The following COP1 variants were observed in gnomAD, a reference collection of about 807,000 sequenced individuals.
The protein encoded by COP1 is E3 ubiquitin-protein ligase COP1.
Under a neutral mutation model 101.3 loss-of-function variants are expected in COP1, and 24 were observed. That is an observed-to-expected ratio of 0.24 (90% CI 0.17 to 0.33). The LOEUF is 0.33. Ranked by LOEUF, COP1 falls within the 10% of genes least tolerant of loss-of-function variation. COP1 has a pLI of 1.00. For missense variants in COP1, 663 were observed against 906.2 expected (o/e 0.73, Z 3.45); for synonymous variants, 347 against 341.9 (o/e 1.01, Z -0.17).
At position 176,106,798 on chromosome 1, in the gene COP1, G is replaced by A. The variant is rs59459309; in HGVS notation, c.1026+9826C>T. 6.2e-3 allele frequency among the ~76,000 whole-genome samples: 948 copies of A among 152,198 alleles called. 15 individuals are homozygous for A. The highest frequency in any genetic ancestry group is 0.021 in the African/African-American group (892 of 41,538). ...GCGGCTCTGCATGAATTACTTTATC[G>A]CAATTCCTCTGTCTTGATAAATTGA... On this transcript the variant is annotated intron_variant, in intron 9 of 19. Transcript: ENST00000367669.
intron 18 of COP1, among the ~76,000 whole-genome samples, chr1:175,971,849 T>G (rs545479195): frequency 2.6e-4 from 39 of 152,294 alleles, no homozygotes; most frequent in Admixed American, 2.6e-4. Context: ...ATCTAATGTC[T>G]CCCTTGGATT....
At chr1:176,131,864 T>C (rs1270262701) in intron 8 of COP1, among the ~76,000 whole-genome samples, 1 of 151,840 alleles carries the variant, frequency 6.6e-6, no homozygotes, top group Non-Finnish European at 1.5e-5. Context: ...AGAGAAAATA[T>C]CAAAACACTC....
intron 1 of COP1, among the ~76,000 whole-genome samples, chr1:176,187,704 A>G (rs999694216): frequency 6.6e-6 from 1 of 152,196 alleles, no homozygotes; most frequent in South Asian, 2.1e-4. Context: ...TGACATTTAT[A>G]TCATAGAATC....
At chr1:176,196,235 A>C (rs1054379764) in intron 1 of COP1, among the ~76,000 whole-genome samples, 1 of 152,210 alleles carries the variant, frequency 6.6e-6, no homozygotes, top group African/African-American at 2.4e-5. Context: ...ACTCCAAGTT[A>C]GCAGAAGAAA....
chr1:176,055,251 C>T (rs543029333), intron 11 of COP1, among the ~76,000 whole-genome samples: 6 of 152,264 alleles, frequency 3.9e-5, no homozygotes, highest in South Asian at 4.1e-4. Context: ...CTGGCCAACA[C>T]GATGAAATCC....
At chr1:176,077,211 T>C (rs1678210008) in intron 11 of COP1, among the ~76,000 whole-genome samples, 1 of 151,992 alleles carries the variant, frequency 6.6e-6, no homozygotes, top group Non-Finnish European at 1.5e-5. Flanking sequence ...TAAACACAGA[T>C]ACAAAAATCC....
intron 18 of COP1, among the ~76,000 whole-genome samples, chr1:175,986,403 A>G (rs183675879): frequency 7.2e-4 from 110 of 152,312 alleles, no homozygotes; most frequent in African/African-American, 2.6e-3. Flanking sequence ...CACTTTATAA[A>G]ACCCAGTAGC....
intron 15 of COP1, among the ~76,000 whole-genome samples, chr1:176,019,627 T>C (rs918361320): frequency 2.7e-5 from 4 of 150,940 alleles, no homozygotes; most frequent in African/African-American, 4.9e-5. Context: ...ATGGGAAGCA[T>C]AGGCAGGCAG....
chr1:176,138,733 T>C (rs943480907), intron 6 of COP1, among the ~76,000 whole-genome samples: 2 of 152,144 alleles, frequency 1.3e-5, no homozygotes, highest in East Asian at 1.9e-4. Flanking sequence ...CCACTCTGTC[T>C]AGCTCATACC....
At chr1:176,034,172 C>T (rs1254697192) in intron 14 of COP1, among the ~76,000 whole-genome samples, 3 of 152,138 alleles carry the variant, frequency 2.0e-5, no homozygotes, top group African/African-American at 4.8e-5. Context: ...AAATGAAATT[C>T]GGGATGAAGA....
chr1:176,065,812 A>G (rs1246262213), intron 11 of COP1, among the ~76,000 whole-genome samples: 1 of 151,442 alleles, frequency 6.6e-6, no homozygotes, highest in Admixed American at 6.6e-5. Flanking sequence ...GGTTCAAGCA[A>G]TTCTCCTGCC....
At chr1:176,092,003 C>T (rs894568308) in intron 9 of COP1, among the ~76,000 whole-genome samples, 4 of 151,844 alleles carry the variant, frequency 2.6e-5, no homozygotes, top group Admixed American at 6.6e-5. Context: ...ATGAAAACAG[C>T]CACTGTATAT....
intron 18 of COP1, among the ~76,000 whole-genome samples, chr1:175,955,298 C>A (rs1004164956): frequency 1.3e-5 from 2 of 152,096 alleles, no homozygotes; most frequent in Non-Finnish European, 2.9e-5. Context: ...CACTTGAGAG[C>A]ATTCATCATC....
At chr1:176,196,810 C>T (rs1699743087) in intron 1 of COP1, among the ~76,000 whole-genome samples, 1 of 151,016 alleles carries the variant, frequency 6.6e-6, no homozygotes, top group Non-Finnish European at 1.5e-5. Context: ...GAGGTCAAAG[C>T]ACGGGAAGAT....
At chr1:176,019,568 A>T (rs1666343948) in intron 15 of COP1, among the ~76,000 whole-genome samples, 1 of 151,042 alleles carries the variant, frequency 6.6e-6, no homozygotes, top group Non-Finnish European at 1.5e-5. Flanking sequence ...AAATCAAAAC[A>T]TCACTAACAG....
intron 9 of COP1, among the ~76,000 whole-genome samples, chr1:176,107,054 C>A (rs1684447245): frequency 6.6e-6 from 1 of 152,178 alleles, no homozygotes; most frequent in Non-Finnish European, 1.5e-5. Flanking sequence ...AAATACACTA[C>A]TGCTGCTGGG....
intron 18 of COP1, among the ~76,000 whole-genome samples, chr1:175,955,651 G>A (rs890033079): frequency 2.0e-5 from 3 of 151,986 alleles, no homozygotes; most frequent in Non-Finnish European, 4.4e-5. Context: ...CAGACACAAA[G>A]TCAATTATAC....
chr1:176,042,817 T>C (rs1461140822), intron 14 of COP1, among the ~76,000 whole-genome samples: 1 of 147,994 alleles, frequency 6.8e-6, no homozygotes, highest in Admixed American at 6.8e-5. Context: ...TCACTTGAGG[T>C]CAGGAGTTTG....
intron 19 of COP1, among the ~76,000 whole-genome samples, chr1:175,946,608 G>C (rs1156609391): frequency 6.6e-6 from 1 of 152,182 alleles, no homozygotes; most frequent in Non-Finnish European, 1.5e-5. Flanking sequence ...TCATGTACAA[G>C]TGCTATATAT....
Sources: allele counts gnomAD v4.1 joint callset (sites outside exome capture counted in the v4.1 genomes callset), GRCh38; gene constraint gnomAD v4.1.1; transcripts MANE v1.5; gene names NCBI Gene and HGNC (gene_info 2026-07-23, HGNC 2026-07-21).